HTT: variants seen among roughly 807,000 people sequenced by gnomAD.
HTT encodes huntingtin, also known as huntington disease protein.
HTT carries 104 observed loss-of-function variants against 362.3 expected under a neutral mutation model. That is an observed-to-expected ratio of 0.29 (90% CI 0.24 to 0.34). HTT has a LOEUF of 0.34. Ranked by LOEUF, HTT falls within the 10% of genes least tolerant of loss-of-function variation. The probability of loss-of-function intolerance (pLI) is 1.00; values close to 1 mark genes in which losing one functional copy is unlikely to be tolerated. For synonymous variants in HTT, 1,577 were observed against 1,548.7 expected (o/e 1.02, Z -0.43); for missense variants, 3,301 against 3,928.6 (o/e 0.84, Z 4.27).
intron 29 of HTT, among the ~76,000 whole-genome samples, chr4:3,164,180 T>C (rs1387634412): frequency 6.6e-6 from 1 of 152,244 alleles, no homozygotes; most frequent in Non-Finnish European, 1.5e-5. Flanking sequence ...CATTTCGTTA[T>C]TTACCCAGTA....
intron 2 of HTT, among the ~76,000 whole-genome samples, chr4:3,088,362 A>G (rs969083709): frequency 1.3e-5 from 2 of 148,608 alleles, no homozygotes; most frequent in African/African-American, 5.0e-5. Flanking sequence ...AATTTTTTGT[A>G]TTTTTAGTAG....
At chr4:3,114,121 G>A (rs770547024) in intron 6 of HTT, among the ~76,000 whole-genome samples, 1 of 152,226 alleles carries the variant, frequency 6.6e-6, no homozygotes, top group African/African-American at 2.4e-5. Context: ...TGGGAAACGA[G>A]GGGATGGGCC....
chr4:3,115,977 T>C, intron 7 of HTT, 108 bp from the exon 8 acceptor site: 2 of 1,007,920 alleles, frequency 2.0e-6, no homozygotes, highest in Non-Finnish European at 3.1e-6. Context: ...TTCATGATCA[T>C]GTTTGTGCCA....
At chr4:3,138,197 GCCTT>G (rs921885447) in intron 21 of HTT, among the ~76,000 whole-genome samples, 17 of 123,206 alleles carry the variant, frequency 1.4e-4, no homozygotes, top group Admixed American at 3.2e-4. Flanking sequence ...CTGCCTGCCT[GCCTT>G]CCTTCCTTCC....
chr4:3,127,411 T>G lies in HTT; in HGVS notation c.1550T>G (p.Leu517Trp). 6.2e-7 allele frequency: 1 copy of G among 1,614,130 alleles called. No homozygotes were observed. Among genetic ancestry groups the G allele is most frequent in the South Asian group, 1.1e-5 (1 of 91,088 alleles). Residue 517 changes from leucine (L) to tryptophan (W), a missense_variant, in exon 12 of 67, where the codon TTG (leucine) becomes TGG (tryptophan). This residue lies in a region of HTT where 2,316 missense variants were observed against 2,658.5 expected (regional missense o/e 0.87). Coordinates refer to ENST00000355072, the MANE Select transcript of HTT (RefSeq NM_001388492.1). ...ADSVDLASCDLTSSATDGDEE... is the reference protein window; with the variant it reads ...ADSVDLASCDWTSSATDGDEE... ...TCAGTGGATCTGGCCAGCTGTGACT[T>G]GACAAGCTCTGCCACTGATGGGGAT... is the stretch of plus-strand genomic sequence containing the variant.
chr4:3,082,691 G>A (rs1250082420), intron 1 of HTT, among the ~76,000 whole-genome samples: 1 of 152,166 alleles, frequency 6.6e-6, no homozygotes, highest in African/African-American at 2.4e-5. Flanking sequence ...TACCTTTGTT[G>A]TTGCTAATAA....
chr4:3,238,026 CT>C (rs1244634453), intron 64 of HTT, among the ~76,000 whole-genome samples: 2 of 152,200 alleles, frequency 1.3e-5, no homozygotes, highest in Non-Finnish European at 2.9e-5. Context: ...TTAAAAATCT[CT>C]TTTGTAACAT....
At chr4:3,176,025 G>GTTTTT (rs777646822) in intron 33 of HTT, among the ~76,000 whole-genome samples, 10,459 of 136,158 alleles carry the variant, frequency 0.077, 531 homozygotes, top group African/African-American at 0.13. Flanking sequence ...GTTGTTGTTT[G>GTTTTT]TTTTTTTTTG....
chr4:3,236,725 C>G (rs1721555019), intron 64 of HTT, among the ~76,000 whole-genome samples: 1 of 152,190 alleles, frequency 6.6e-6, no homozygotes, highest in African/African-American at 2.4e-5. Flanking sequence ...CCCACACATG[C>G]ATCTTTGAGA....
intron 53 of HTT, among the ~76,000 whole-genome samples, chr4:3,222,068 G>A (rs1042121626): frequency 6.6e-6 from 1 of 152,264 alleles, no homozygotes; most frequent in African/African-American, 2.4e-5. Context: ...GCACGAGGTT[G>A]CCTGCATGGG....
At position 3,107,556 on chromosome 4, in the gene HTT, C is replaced by T. The variant is rs997609595; in HGVS notation, c.747+133C>T. ...TGTTGTATGTCGTAATTTAGACTAC[C>T]ATCATTTGTGTTATTTTTGAGGCAC... On this transcript the variant is annotated intron_variant, in intron 6 of 66. Coordinates refer to ENST00000355072, the MANE Select transcript of HTT (RefSeq NM_001388492.1). The T allele has an allele frequency of 8.7e-6, 7 of 807,982 alleles. No homozygotes were observed. In the East Asian group the frequency reaches 1.3e-4, roughly 15 times the overall value. 50.1% of individuals were successfully genotyped at this position (807,982 alleles called of 1,614,324 possible).
In HTT at chr4:3,220,271, A is replaced by T. The variant is rs201702168; in HGVS notation, c.7332A>T (p.Glu2444Asp). Residue 2444 changes from glutamate to aspartate, a missense_variant, in exon 53 of 67, where the codon GAA (glutamate) becomes GAT (aspartate). Glu to Asp is a conservative substitution (Grantham distance 45). This residue lies in a region of HTT where 753 missense variants were observed against 1,021.3 expected (regional missense o/e 0.74). Transcript: ENST00000355072. ...CCGTGGAGTTCCTCCAGGAAAAGGA[A>T]GTCTTTAAGGAGTTCATCTACCGCA... The part of the protein sequence containing the change: ...EIPVEFLQEK[E>D]VFKEFIYRIN... The T allele has an allele frequency of 2.0e-3, 3,239 of 1,614,146 alleles. 7 individuals carry two copies. Among genetic ancestry groups the T allele is most frequent in the South Asian group, 3.5e-3 (318 of 91,074 alleles).
At position 3,198,215 on chromosome 4, in the gene HTT, A is replaced by ATTTTTTTTTTTTT. The variant is rs200014691; in HGVS notation, c.5369-1501_5369-1489dup. ...ACCCTTTCACTTTGGGGATGTGTTG[A>ATTTTTTTTTTTTT]TTTTTTTTTTTTTTTTTTTTTTTTT... is the stretch of plus-strand genomic sequence containing the variant. On this transcript the variant is annotated intron_variant, in intron 40 of 66. Transcript: ENST00000355072. Among the ~76,000 whole-genome samples, 4 of 60,336 alleles carry ATTTTTTTTTTTTT rather than the reference A, an allele frequency of 6.6e-5. 1 individual carries two copies. Among genetic ancestry groups the ATTTTTTTTTTTTT allele is most frequent in the African/African-American group, 1.3e-4 (2 of 15,138 alleles). The allele number at this position is 60,336 out of a possible 152,430, so 39.6% of individuals were successfully genotyped here.
In HTT at chr4:3,208,848, A is replaced by G; in HGVS notation, c.6228A>G (p.Pro2076=). The G allele has an allele frequency of 6.2e-7, 1 of 1,614,038 alleles. No individual in the cohort carries two copies. The highest frequency in any genetic ancestry group is 8.5e-7 in the Non-Finnish European group (1 of 1,179,998). The part of the protein sequence containing the change: ...TMQDSLSPSP[P]VSSHPLDGDG... ...AAGACTCACTTAGTCCCTCTCCTCC[A>G]GTCTCTTCCCACCCGCTGGACGGGG... is the stretch of plus-strand genomic sequence containing the variant. Residue 2076 remains proline, a synonymous_variant, in exon 46 of 67, where the codon CCA becomes CCG. Transcript: ENST00000355072.
At chr4:3,143,940 A>G (rs1047141887) in intron 23 of HTT, among the ~76,000 whole-genome samples, 1 of 152,142 alleles carries the variant, frequency 6.6e-6, no homozygotes, top group East Asian at 1.9e-4. Flanking sequence ...TGCTGACATT[A>G]GAAAAGAACC....
chr4:3,152,100 G>T (rs1716923138), intron 26 of HTT, among the ~76,000 whole-genome samples: 1 of 130,860 alleles, frequency 7.6e-6, no homozygotes, highest in Non-Finnish European at 1.7e-5. Context: ...CTAATTTTTT[G>T]ATTTTTTTTT....
chr4:3,096,418 A>G (rs896084353), intron 2 of HTT, among the ~76,000 whole-genome samples: 2 of 152,162 alleles, frequency 1.3e-5, no homozygotes, highest in African/African-American at 4.8e-5. Flanking sequence ...CAGAAGAGAC[A>G]CTCTCTCAAG....
chr4:3,237,663 C>T (rs1397931282), intron 64 of HTT, among the ~76,000 whole-genome samples: 4 of 152,106 alleles, frequency 2.6e-5, no homozygotes, highest in South Asian at 2.1e-4. Flanking sequence ...CACTGCTGGG[C>T]GAGGGTCTGC....
At chr4:3,099,488 C>T (rs1161583213) in intron 3 of HTT, 94 bp downstream of exon 3, 1 of 1,539,374 alleles carries the variant, frequency 6.5e-7, no homozygotes, top group African/African-American at 1.4e-5. Context: ...TTTTGAGTCC[C>T]TGAGGATGTC....
Sources: gnomAD v4.1 joint callset for allele counts (sites outside exome capture counted in the v4.1 genomes callset) on GRCh38, gnomAD v4.1.1 for gene constraint, gnomAD v4.1.1 regional missense constraint, MANE v1.5 for transcripts, NCBI Gene and HGNC (gene_info 2026-07-23, HGNC 2026-07-21) for gene names.